Variants in WASHC4 observed in about 807,000 individuals in gnomAD.
WASHC4 encodes the protein WASH complex subunit 4.
Under a neutral mutation model 166.6 loss-of-function variants are expected in WASHC4, and 86 were observed. The observed-to-expected ratio is 0.52, with a 90% confidence interval of 0.43 to 0.62. WASHC4 has a LOEUF of 0.62. WASHC4 is among the 20% of genes least tolerant of loss of function. The probability of loss-of-function intolerance (pLI) is 0.00; values close to 1 mark genes in which losing one functional copy is unlikely to be tolerated. For synonymous variants in WASHC4, 446 were observed against 451.6 expected (o/e 0.99, Z 0.16); for missense variants, 1,262 against 1,382.4 (o/e 0.91, Z 1.38).
rs368178172 is a variant in WASHC4 at position 105,141,199 on chromosome 12, T to G, written c.1740T>G (p.Leu580=). ...TTAAAGATGAAGAACTCTTTCCACT[T>G]CAAGTAGTCATGAAAAAACTGGATC... is the stretch of plus-strand genomic sequence containing the variant. ...KTFKDEELFP[L]QVVMKKLDLI... Residue 580 remains leucine (L), a synonymous_variant, in exon 18 of 33, where the codon CTT becomes CTG. Transcript: ENST00000332180. The G allele has an allele frequency of 1.2e-5, 20 of 1,613,474 alleles. No individual in the cohort carries two copies. Among genetic ancestry groups the G allele is most frequent in the African/African-American group, 2.7e-5 (2 of 74,896 alleles).
At chr12:105,157,799 T>C (rs1427954789) in intron 28 of WASHC4, among the ~76,000 whole-genome samples, 1 of 152,166 alleles carries the variant, frequency 6.6e-6, no homozygotes, top group Non-Finnish European at 1.5e-5. Context: ...ATATGGCAAA[T>C]GCGACTGGGG....
At chr12:105,107,910 G>T in intron 1 of WASHC4, 49 bp downstream of exon 1, 2 of 1,391,546 alleles carry the variant, frequency 1.4e-6, no homozygotes, top group Non-Finnish European at 2.0e-6. Flanking sequence ...CCTTCGGCCC[G>T]CCGCTGTTCT....
intron 1 of WASHC4, among the ~76,000 whole-genome samples, chr12:105,110,559 C>G (rs1221836828): frequency 2.6e-5 from 4 of 152,232 alleles, no homozygotes; most frequent in South Asian, 2.1e-4. Flanking sequence ...TTGATTATGA[C>G]AGTTAAATAA....
chr12:105,116,327 T>C (rs549293551), intron 6 of WASHC4, among the ~76,000 whole-genome samples: 19 of 152,312 alleles, frequency 1.2e-4, no homozygotes, highest in African/African-American at 2.9e-4. Flanking sequence ...AGATTTGATA[T>C]ATTTCATCAA....
chr12:105,151,337 A>C (rs1249586503), intron 25 of WASHC4, among the ~76,000 whole-genome samples: 1 of 152,084 alleles, frequency 6.6e-6, no homozygotes, highest in African/African-American at 2.4e-5. Context: ...GAACTATTTT[A>C]ATTACTTTTC....
intron 9 of WASHC4, 82 bp from the exon 10 acceptor site, chr12:105,122,036 T>A: frequency 1.0e-6 from 1 of 984,358 alleles, no homozygotes; most frequent in Non-Finnish European, 1.5e-6. Flanking sequence ...AATATAAAAT[T>A]TTGACTTCCA....
rs1436539224 is a variant in WASHC4, at chr12:105,167,793, T to C, written c.*862T>C. 6.6e-6 allele frequency: 1 copy of C among 152,528 alleles called. No individual in the cohort carries two copies. Among genetic ancestry groups the C allele is most frequent in the Admixed American group, 6.5e-5 (1 of 15,280 alleles). The allele number at this position is 152,528 out of a possible 1,614,324, so 9.4% of individuals were successfully genotyped here. ...TTTTGGTGATGGTTTGGGTAGACTT[T>C]TTTTTTATATCAAGTATAATTTAAA... On this transcript the variant is annotated 3_prime_UTR_variant, in exon 33 of 33. Coordinates refer to ENST00000332180, the MANE Select transcript of WASHC4 (RefSeq NM_015275.3).
In WASHC4 at chr12:105,144,323, G is replaced by T. The variant is rs1883113816; in HGVS notation, c.2047G>T (p.Asp683Tyr). 6.2e-7 allele frequency: 1 copy of T among 1,613,110 alleles called. No homozygotes were observed. Among genetic ancestry groups the T allele is most frequent in the Non-Finnish European group, 8.5e-7 (1 of 1,179,380 alleles). ...CAAATTATGCAAAGAAATAGAGAAAGATCTGCGACTTTCTGTGCATACTCA... is the reference window on the plus strand; with the variant it reads ...CAAATTATGCAAAGAAATAGAGAAATATCTGCGACTTTCTGTGCATACTCA... ...LDKLCKEIEKDLRLSVHTHLK... is the reference protein window; with the variant it reads ...LDKLCKEIEKYLRLSVHTHLK... Residue 683 changes from aspartate (D) to tyrosine (Y), a missense_variant, in exon 21 of 33, where the codon GAT becomes TAT. Transcript: ENST00000332180.
At chr12:105,163,973 TG>T in intron 30 of WASHC4, 137 bp from the exon 31 acceptor site, 1 of 757,338 alleles carries the variant, frequency 1.3e-6, no homozygotes, top group Admixed American at 2.4e-5. Context: ...TGCTGTAAAA[TG>T]TAACTTGAAA....
chr12:105,126,169 G>T (rs1340073841), intron 11 of WASHC4, 42 bp downstream of exon 11: 7 of 1,612,516 alleles, frequency 4.3e-6, no homozygotes, highest in Middle Eastern at 1.7e-4. Context: ...TATAAAATTT[G>T]CATTTCCTTA....
intron 1 of WASHC4, among the ~76,000 whole-genome samples, chr12:105,108,578 C>A (rs1879314946): frequency 2.0e-5 from 3 of 152,112 alleles, no homozygotes; most frequent in Non-Finnish European, 2.9e-5. Context: ...AAGTCTATCC[C>A]GAAATAAACA....
At position 105,149,639 on chromosome 12, in the gene WASHC4, A is replaced by C. The variant is rs1246889817; in HGVS notation, c.2539A>C (p.Lys847Gln). 4.0e-6 allele frequency: 6 copies of C among 1,515,454 alleles called. No individual in the cohort carries two copies. Among genetic ancestry groups the C allele is most frequent in the Non-Finnish European group, 3.6e-6 (4 of 1,097,002 alleles). 93.9% of individuals were successfully genotyped at this position (1,515,454 alleles called of 1,614,324 possible). ...TTVNFTYQFLKKKFYIFSQFM... is the reference protein window; with the variant it reads ...TTVNFTYQFLQKKFYIFSQFM... ...GGTTAATTTCACCTACCAGTTTTTGAAAAAGAAGTTCTATATATTTAGCCA... is the reference window on the plus strand; with the variant it reads ...GGTTAATTTCACCTACCAGTTTTTGCAAAAGAAGTTCTATATATTTAGCCA... The change falls in exon 25 of 33, where the codon AAA (lysine) becomes CAA (glutamine). Residue 847 changes from lysine to glutamine, a missense_variant. Transcript: ENST00000332180.
chr12:105,139,425 G>GTGTGTGTGTGTGTGTATA, intron 15 of WASHC4, among the ~76,000 whole-genome samples: 1,761 of 103,048 alleles, frequency 0.017, 32 homozygotes, highest in East Asian at 0.036. Flanking sequence ...ATGTGTGTGT[G>GTGTGTGTGTGTGTGTATA]TATATATATA....
intron 13 of WASHC4, among the ~76,000 whole-genome samples, 192 bp from the exon 14 acceptor site, chr12:105,133,578 C>T (rs907956207): frequency 4.6e-5 from 7 of 152,204 alleles, no homozygotes; most frequent in African/African-American, 7.2e-5. Context: ...GTTGTATTCT[C>T]AGTACCTGTA....
At position 105,157,227 on chromosome 12, in the gene WASHC4, C is replaced by G. The variant is rs757530816; in HGVS notation, c.2826-9C>G. ...GACCTAATAAATGCCTTCCCAAATT[C>G]TTATGTAGATTTGTTCCTGATCTTG... is the stretch of plus-strand genomic sequence containing the variant. On this transcript the variant is annotated splice_polypyrimidine_tract_variant and intron_variant, in intron 27 of 32. Coordinates refer to ENST00000332180, the MANE Select transcript of WASHC4 (RefSeq NM_015275.3). 7.2e-7 allele frequency: 1 copy of G among 1,396,936 alleles called. No individual in the cohort carries two copies. Among genetic ancestry groups the G allele is most frequent in the Admixed American group, 1.7e-5 (1 of 59,634 alleles). 86.5% of individuals were successfully genotyped at this position (1,396,936 alleles called of 1,614,324 possible). A position where few individuals can be genotyped will look rare whatever the true frequency, so the allele number is the denominator to read the frequency against.
intron 15 of WASHC4, among the ~76,000 whole-genome samples, chr12:105,138,305 TTTAATA>T (rs1429122883): frequency 6.6e-6 from 1 of 151,958 alleles, no homozygotes; most frequent in Admixed American, 6.6e-5. Context: ...AAAAGTTAAC[TTTAATA>T]TTATCAGTAA....
intron 1 of WASHC4, among the ~76,000 whole-genome samples, chr12:105,109,693 G>T (rs1402317299): frequency 1.6e-5 from 2 of 125,104 alleles, no homozygotes; most frequent in Non-Finnish European, 3.1e-5. Context: ...TCACTCTGTC[G>T]CCCAGTGCCG....
At chr12:105,148,136 AT>A in intron 24 of WASHC4, 1 of 985,288 alleles carries the variant, frequency 1.0e-6, no homozygotes, top group Non-Finnish European at 1.2e-6. Flanking sequence ...AGTTGGGATC[AT>A]TTAAGTATAC....
At chr12:105,142,317 C>T in intron 18 of WASHC4, 136 bp from the exon 19 acceptor site, 1 of 662,626 alleles carries the variant, frequency 1.5e-6, no homozygotes, top group African/African-American at 1.8e-5. Flanking sequence ...CTTTTCTATA[C>T]TATGTTGGGT....
Sources: gnomAD v4.1 joint callset for allele counts (sites outside exome capture counted in the v4.1 genomes callset) on GRCh38, gnomAD v4.1.1 for gene constraint, MANE v1.5 for transcripts, NCBI Gene and HGNC (gene_info 2026-07-23, HGNC 2026-07-21) for gene names.